The following COL5A2 variants were observed in gnomAD, a reference collection of about 807,000 sequenced individuals.
The protein encoded by COL5A2 is collagen alpha-2(V) chain.
COL5A2 carries 23 observed loss-of-function variants against 208.2 expected under a neutral mutation model. The observed-to-expected ratio is 0.11, with a 90% CI of 0.08 to 0.16. The LOEUF is 0.16. COL5A2 is among the 10% of genes least tolerant of loss of function. The pLI, the probability that COL5A2 is intolerant of heterozygous loss-of-function variation, is 1.00. For synonymous variants in COL5A2, 625 were observed against 628.5 expected, an observed-to-expected ratio of 0.99 and a Z score of 0.08; for missense variants, 1,590 against 1,956.4, an observed-to-expected ratio of 0.81 and a Z score of 3.53.
At chr2:189,271,986 C>T in the COL5A2 span, among the ~76,000 whole-genome samples, 99 of 152,142 alleles carry the variant, frequency 6.5e-4, no homozygotes, top group African/African-American at 2.2e-3. Flanking sequence ...GTTAGAATGG[C>T]GATCATTAAA....
chr2:189,383,584 G>T, the COL5A2 span, among the ~76,000 whole-genome samples: 1 of 151,882 alleles, frequency 6.6e-6, no homozygotes, highest in African/African-American at 2.4e-5. Flanking sequence ...ATTATTTTAG[G>T]TGTTATTTCA....
chr2:189,257,507 T>G, the COL5A2 span, among the ~76,000 whole-genome samples: 5 of 152,282 alleles, frequency 3.3e-5, no homozygotes, highest in South Asian at 1.0e-3. Flanking sequence ...TAAAACAGAT[T>G]TTGCTTTTCT....
At chr2:189,110,690 T>C (rs1283079782) in intron 1 of COL5A2, among the ~76,000 whole-genome samples, 1 of 152,172 alleles carries the variant, frequency 6.6e-6, no homozygotes, top group Non-Finnish European at 1.5e-5. Flanking sequence ...GAGGTATATT[T>C]TTTAACCAGA....
chr2:189,233,165 C>T, the COL5A2 span, among the ~76,000 whole-genome samples: 34 of 151,756 alleles, frequency 2.2e-4, 1 homozygote, highest in African/African-American at 8.2e-4. Context: ...TACATATGGT[C>T]ATTATACAGA....
intron 19 of COL5A2, 51 bp downstream of exon 19, chr2:189,068,735 C>A (rs748269703): frequency 6.9e-6 from 9 of 1,295,772 alleles, no homozygotes; most frequent in Middle Eastern, 2.0e-4. Flanking sequence ...TCTGATGTTA[C>A]AAGAAATGTC....
the COL5A2 span, among the ~76,000 whole-genome samples, chr2:189,365,602 ATCTTATGGCTG>A: frequency 6.6e-6 from 1 of 152,214 alleles, no homozygotes; most frequent in Non-Finnish European, 1.5e-5. Flanking sequence ...GGATAGGGTT[ATCTTATGGCTG>A]CACTGGGGCA....
intron 5 of COL5A2, among the ~76,000 whole-genome samples, chr2:189,097,976 A>T (rs72906362): frequency 0.13 from 20,078 of 152,028 alleles, 1,360 homozygotes; most frequent in Middle Eastern, 0.18. Flanking sequence ...TCCCTTAAAT[A>T]ACAAATGACT....
the COL5A2 span, among the ~76,000 whole-genome samples, chr2:189,322,299 C>T: frequency 0.14 from 21,483 of 152,096 alleles, 1,946 homozygotes; most frequent in South Asian, 0.21. Flanking sequence ...CATTCAAAAG[C>T]TAACAGAAGG....
intron 7 of COL5A2, among the ~76,000 whole-genome samples, chr2:189,090,342 A>G (rs970510623): frequency 2.6e-5 from 4 of 152,206 alleles, no homozygotes; most frequent in Non-Finnish European, 4.4e-5. Context: ...AAAAGTTGGA[A>G]GCTAGAAAAT....
intron 18 of COL5A2, among the ~76,000 whole-genome samples, chr2:189,071,397 C>T (rs763746698): frequency 1.3e-5 from 2 of 152,124 alleles, no homozygotes; most frequent in African/African-American, 4.8e-5. Flanking sequence ...TAATGTAATC[C>T]TAATGTCCTT....
intron 52 of COL5A2, among the ~76,000 whole-genome samples, chr2:189,035,944 AG>A (rs567917421): frequency 1.2e-4 from 19 of 152,100 alleles, no homozygotes; most frequent in Non-Finnish European, 2.5e-4. Flanking sequence ...TGATAGAAAC[AG>A]GGTAGACTGG....
intron 7 of COL5A2, among the ~76,000 whole-genome samples, chr2:189,091,995 T>G (rs542121101): frequency 6.6e-6 from 1 of 152,220 alleles, no homozygotes; most frequent in Admixed American, 6.5e-5. Flanking sequence ...GACAGATAAA[T>G]CTCTCATTTC....
At chr2:189,240,894 TG>T in the COL5A2 span, among the ~76,000 whole-genome samples, 1 of 152,172 alleles carries the variant, frequency 6.6e-6, no homozygotes, top group Non-Finnish European at 1.5e-5. Context: ...GACACAAAAA[TG>T]TGTTCATAAA....
At chr2:189,225,830 C>T (rs1689408648), upstream of COL5A2, among the ~76,000 whole-genome samples, 1 of 151,952 alleles carries the variant, frequency 6.6e-6, no homozygotes, top group South Asian at 2.1e-4. Context: ...GTTTCTTATA[C>T]TTTTTCACTT....
intron 1 of COL5A2, among the ~76,000 whole-genome samples, chr2:189,220,568 A>AT (rs1334794355): frequency 1.3e-5 from 2 of 152,108 alleles, no homozygotes; most frequent in Non-Finnish European, 2.9e-5. Flanking sequence ...TTAGTCTCTG[A>AT]TTTTTTTAAA....
chr2:189,435,870 A>AC, the COL5A2 span, among the ~76,000 whole-genome samples: 1 of 152,138 alleles, frequency 6.6e-6, no homozygotes, highest in Non-Finnish European at 1.5e-5. Flanking sequence ...ATAAAGACAC[A>AC]CGCACACGTT....
the COL5A2 span, among the ~76,000 whole-genome samples, chr2:189,262,804 G>A: frequency 4.0e-5 from 6 of 151,722 alleles, no homozygotes; most frequent in Non-Finnish European, 8.8e-5. Flanking sequence ...CTAGATGATG[G>A]GGACTAATAA....
At chr2:189,208,564 A>C (rs1475210415) in intron 1 of COL5A2, among the ~76,000 whole-genome samples, 1 of 152,224 alleles carries the variant, frequency 6.6e-6, no homozygotes, top group Admixed American at 6.5e-5. Flanking sequence ...AGGGACTGGA[A>C]GTTAGGAGGC....
chr2:189,171,092 A>G lies in COL5A2; in HGVS notation c.97+8416T>C, dbSNP rs188852489. ...GTGGAATCTGGACAGTAGAGAATGAAAGGGGATAGAGAGAGAGTGAGAGAG... is the reference window on the plus strand; with the variant it reads ...GTGGAATCTGGACAGTAGAGAATGAGAGGGGATAGAGAGAGAGTGAGAGAG... On this transcript the variant is annotated intron_variant, in intron 1 of 53. Transcript: ENST00000374866. 1.5e-4 allele frequency among the ~76,000 whole-genome samples: 23 copies of G among 152,148 alleles called. No individual in the cohort carries two copies. The East Asian group carries it at 2.5e-3, about 17-fold the overall frequency.
Sources: allele counts gnomAD v4.1 joint callset (sites outside exome capture counted in the v4.1 genomes callset), GRCh38; gene constraint gnomAD v4.1.1; transcripts MANE v1.5; gene names NCBI Gene and HGNC (gene_info 2026-07-23, HGNC 2026-07-21).